Variants in ZNF469 observed in about 807,000 individuals in gnomAD.
The protein encoded by ZNF469 is zinc finger protein 469.
In ZNF469, 1 loss-of-function variant was observed where a neutral mutation model predicts 1.0. That is an observed-to-expected ratio of 1.00 (90% CI 0.35 to 4.73). The LOEUF (loss-of-function observed/expected upper bound fraction) is 4.73. Among genes scored for constraint, ZNF469 ranks in the 30% most tolerant of loss-of-function variants. ZNF469 has a pLI of 0.16. For missense variants in ZNF469, 6,100 were observed against 5,356.3 expected, an observed-to-expected ratio of 1.14 and a Z score of -4.33; for synonymous variants, 2,703 against 2,363.4, an observed-to-expected ratio of 1.14 and a Z score of -4.17.
the ZNF469 span, among the ~76,000 whole-genome samples, chr16:88,126,688 C>G: frequency 6.6e-6 from 1 of 151,344 alleles, no homozygotes; most frequent in Non-Finnish European, 1.5e-5. Flanking sequence ...AAGTCTTGCT[C>G]TGTAACCCAG....
chr16:88,369,807 AC>A, the ZNF469 span, among the ~76,000 whole-genome samples: 1 of 152,162 alleles, frequency 6.6e-6, no homozygotes, highest in East Asian at 1.9e-4. Context: ...CACAGAGGCC[AC>A]CCCCGCGACC....
At chr16:88,130,022 C>T in the ZNF469 span, among the ~76,000 whole-genome samples, 1 of 151,702 alleles carries the variant, frequency 6.6e-6, no homozygotes. Flanking sequence ...GCAGAAGTTT[C>T]TGTAGTTTTC....
the ZNF469 span, among the ~76,000 whole-genome samples, chr16:88,245,669 C>T: frequency 2.0e-5 from 3 of 152,264 alleles, no homozygotes; most frequent in Non-Finnish European, 2.9e-5. Flanking sequence ...GTCCTTCTCC[C>T]CCTTGCCTAC....
chr16:88,208,262 A>G, the ZNF469 span, among the ~76,000 whole-genome samples: 1 of 151,736 alleles, frequency 6.6e-6, no homozygotes, highest in Non-Finnish European at 1.5e-5. Flanking sequence ...GAGATATCTC[A>G]AGCTCATCTG....
chr16:88,295,813 G>A, the ZNF469 span, among the ~76,000 whole-genome samples: 1 of 152,268 alleles, frequency 6.6e-6, no homozygotes, highest in African/African-American at 2.4e-5. Flanking sequence ...GATGTGCTGG[G>A]AACACCATCT....
At chr16:88,425,669 C>T (rs574690644) in intron 2 of ZNF469, among the ~76,000 whole-genome samples, 13 of 152,362 alleles carry the variant, frequency 8.5e-5, no homozygotes, top group South Asian at 8.3e-4. Flanking sequence ...AGTGCTCAGA[C>T]GCCCAGCATC....
At chr16:88,183,533 C>T in the ZNF469 span, among the ~76,000 whole-genome samples, 2 of 152,204 alleles carry the variant, frequency 1.3e-5, no homozygotes, top group Non-Finnish European at 2.9e-5. Context: ...ACACAAAAGT[C>T]TCCATCCTGT....
the ZNF469 span, among the ~76,000 whole-genome samples, chr16:88,363,238 A>G: frequency 6.6e-6 from 1 of 152,166 alleles, no homozygotes; most frequent in Admixed American, 6.5e-5. Flanking sequence ...AAAGTGTCAC[A>G]TTCTTCTGGG....
chr16:88,197,664 G>A, the ZNF469 span, among the ~76,000 whole-genome samples: 5 of 152,236 alleles, frequency 3.3e-5, no homozygotes, highest in Non-Finnish European at 5.9e-5. Context: ...CAGCCACCCA[G>A]TACGATGGTG....
At position 88,431,252 on chromosome 16, in the gene ZNF469, G is replaced by C; in HGVS notation, c.3782G>C (p.Gly1261Ala). 1.3e-6 allele frequency: 2 copies of C among 1,550,374 alleles called. No homozygotes were observed. The highest frequency in any genetic ancestry group is 1.7e-6 in the Non-Finnish European group (2 of 1,146,962). ...GCGGGAGAAATGGGAGCAAGCCCCG[G>C]TCTCCTGATACCAGAGCAGCCGCCG... ...ACAGEMGASPGLLIPEQPPPS... is the reference protein window; with the variant it reads ...ACAGEMGASPALLIPEQPPPS... Residue 1261 changes from glycine to alanine, a missense_variant, in exon 3 of 3, where the codon GGT becomes GCT. Physicochemically the swap from Gly to Ala is moderately conservative, Grantham distance 60. Coordinates refer to ENST00000565624, the MANE Select transcript of ZNF469 (RefSeq NM_001367624.2).
At chr16:88,418,468 G>T (rs1256478877) in intron 1 of ZNF469, among the ~76,000 whole-genome samples, 2 of 152,152 alleles carry the variant, frequency 1.3e-5, no homozygotes, top group Non-Finnish European at 2.9e-5. Context: ...TGCCGTTCTT[G>T]CCTGCCTCTT....
Position 88,427,905 on chromosome 16 carries a change from C to A in ZNF469, c.435C>A (p.Ala145=). The A allele has an allele frequency of 1.3e-6, 2 of 1,549,884 alleles. No homozygotes were observed. The highest frequency in any genetic ancestry group is 2.0e-5 in the Admixed American group (1 of 50,998). The change falls in exon 3 of 3, where the codon GCC becomes GCA. Residue 145 remains alanine (A), a synonymous_variant. Coordinates refer to ENST00000565624, the MANE Select transcript of ZNF469 (RefSeq NM_001367624.2). ...CAGAGAACCCACAGCTGGAGGCTGC[C>A]CAGCTCCCTGAGGTGGACACCCCCC... ...ETPENPQLEA[A]QLPEVDTPQG...
chr16:88,216,203 A>G, the ZNF469 span, among the ~76,000 whole-genome samples: 2 of 152,136 alleles, frequency 1.3e-5, no homozygotes, highest in African/African-American at 4.8e-5. Context: ...CACTTAAAAG[A>G]TATTATTTCA....
the ZNF469 span, among the ~76,000 whole-genome samples, chr16:88,246,051 G>A: frequency 1.3e-5 from 2 of 152,294 alleles, no homozygotes; most frequent in Admixed American, 1.3e-4. Flanking sequence ...GTCAGCCAGT[G>A]CTCAAAGGGC....
Position 88,431,395 on chromosome 16 carries a change from C to G in ZNF469, c.3925C>G (p.Gln1309Glu), listed in dbSNP as rs988688051. Residue 1309 changes from glutamine (Q) to glutamate (E), a missense_variant, in exon 3 of 3, where the codon CAG becomes GAG. Gln to Glu is a conservative substitution (Grantham distance 29, BLOSUM62 2). Coordinates refer to ENST00000565624, the MANE Select transcript of ZNF469 (RefSeq NM_001367624.2). ...GSLLGGPGGTQAPVSHNSKDP... is the reference protein window; with the variant it reads ...GSLLGGPGGTEAPVSHNSKDP... Reference sequence around the variant, plus strand: ...CCTGCTGGGTGGTCCTGGGGGCACACAGGCCCCAGTCTCCCACAACAGCAA... The same window carrying G: ...CCTGCTGGGTGGTCCTGGGGGCACAGAGGCCCCAGTCTCCCACAACAGCAA... The G allele has an allele frequency of 6.5e-7, 1 of 1,550,098 alleles. No homozygotes were observed. Among genetic ancestry groups the G allele is most frequent in the African/African-American group, 1.4e-5 (1 of 73,044 alleles).
intron 1 of ZNF469, among the ~76,000 whole-genome samples, chr16:88,397,754 T>C (rs1904733067): frequency 6.6e-6 from 1 of 152,134 alleles, no homozygotes; most frequent in Admixed American, 6.5e-5. Flanking sequence ...AGATCTCTTC[T>C]TATGGTCATT....
chr16:88,205,812 C>T, the ZNF469 span, among the ~76,000 whole-genome samples: 1 of 152,150 alleles, frequency 6.6e-6, no homozygotes, highest in Non-Finnish European at 1.5e-5. This position sits in a 1 kb window ranked among gnomAD's most constrained non-coding sequence, Gnocchi z 4.2. Context: ...TGTGTGAGGA[C>T]TCGCACAGGC....
chr16:88,270,150 T>C, the ZNF469 span, among the ~76,000 whole-genome samples: 2 of 152,178 alleles, frequency 1.3e-5, no homozygotes, highest in Non-Finnish European at 2.9e-5. Context: ...ACCAGAATTC[T>C]GGCATGCATC....
the ZNF469 span, among the ~76,000 whole-genome samples, chr16:88,164,828 G>C: frequency 1.3e-5 from 2 of 152,186 alleles, no homozygotes; most frequent in Admixed American, 6.5e-5. Flanking sequence ...CCCTGTGACT[G>C]AATAGTGCAT....
Sources: gnomAD v4.1 joint callset for allele counts (sites outside exome capture counted in the v4.1 genomes callset) on GRCh38, gnomAD v4.1.1 for gene constraint, Gnocchi (gnomAD v3.1) non-coding constraint, MANE v1.5 for transcripts, NCBI Gene and HGNC (gene_info 2026-07-23, HGNC 2026-07-21) for gene names.